The following CPNE8 variants were observed in gnomAD, a reference collection of about 807,000 sequenced individuals.
CPNE8 encodes copine 8, also known as copine-8.
In CPNE8, 45 loss-of-function variants were observed where a neutral mutation model predicts 81.5. The ratio of observed to expected loss-of-function variants is 0.55; its 90% confidence interval spans 0.44 to 0.71. CPNE8 has a LOEUF of 0.71. CPNE8 is among the 30% of genes least tolerant of loss of function. The pLI is 0.00. For synonymous variants in CPNE8, 252 were observed against 226.3 expected (o/e 1.11, Z -1.02); for missense variants, 594 against 672.1 (o/e 0.88, Z 1.28).
chr12:38,724,549 A>G (rs1408946097), intron 12 of CPNE8, among the ~76,000 whole-genome samples: 1 of 152,132 alleles, frequency 6.6e-6, no homozygotes, highest in African/African-American at 2.4e-5. Flanking sequence ...TGCCTGATTC[A>G]TTATACTTGG....
intron 6 of CPNE8, among the ~76,000 whole-genome samples, chr12:38,803,699 G>GA (rs368645396): frequency 2.0e-5 from 3 of 150,244 alleles, no homozygotes; most frequent in Admixed American, 6.7e-5. Flanking sequence ...ATTCAATTAG[G>GA]AAAAAAAGGA....
At chr12:38,681,768 T>C (rs1294339490) in intron 16 of CPNE8, among the ~76,000 whole-genome samples, 1 of 152,212 alleles carries the variant, frequency 6.6e-6, no homozygotes, top group Non-Finnish European at 1.5e-5. Context: ...TACAATTACA[T>C]GAGCCAATTC....
intron 12 of CPNE8, among the ~76,000 whole-genome samples, chr12:38,724,338 AT>A (rs1254447272): frequency 1.4e-5 from 2 of 144,272 alleles, no homozygotes; most frequent in Non-Finnish European, 3.0e-5. Context: ...ACTCTGCAGT[AT>A]TTTTTCTTAA....
At chr12:38,727,117 T>C (rs1423046979) in intron 11 of CPNE8, among the ~76,000 whole-genome samples, 2 of 152,050 alleles carry the variant, frequency 1.3e-5, no homozygotes, top group Non-Finnish European at 2.9e-5. Context: ...CTAGCAAAAA[T>C]TGTCAAAATC....
rs1434192035 is a variant in CPNE8 at position 38,872,896 on chromosome 12, TG to T, written c.186+107del. 1.9e-4 allele frequency: 128 copies of T among 681,366 alleles called. 6 individuals are homozygous for T. The highest frequency in any genetic ancestry group is 1.9e-3 in the South Asian group (105 of 56,680). 42.2% of individuals were successfully genotyped at this position (681,366 alleles called of 1,614,324 possible). ...CCTAAGATAAAAACAATTCAATCTT[TG>T]GGTTCAAAAGGACTTACAATGGAAA... On this transcript the variant is annotated intron_variant, in intron 3 of 19. Transcript: ENST00000331366.
chr12:38,833,668 C>T (rs1042072072), intron 5 of CPNE8, among the ~76,000 whole-genome samples: 4 of 151,686 alleles, frequency 2.6e-5, no homozygotes, highest in South Asian at 2.1e-4. Context: ...TTAGTAGAGA[C>T]GGGGTTTCAC....
intron 6 of CPNE8, among the ~76,000 whole-genome samples, chr12:38,793,197 C>T (rs1009551977): frequency 2.8e-5 from 4 of 142,432 alleles, no homozygotes; most frequent in Non-Finnish European, 5.9e-5. Context: ...CACTTCTATT[C>T]AACATAATAC....
At chr12:38,736,217 A>ATGTGTGTGTGTGTGTGTGTG (rs1940949082) in intron 10 of CPNE8, among the ~76,000 whole-genome samples, 1 of 79,876 alleles carries the variant, frequency 1.3e-5, no homozygotes, top group Non-Finnish European at 2.8e-5. Context: ...CTGGGTGTAT[A>ATGTGTGTGTGTGTGTGTGTG]TATGTGTGTG....
intron 10 of CPNE8, among the ~76,000 whole-genome samples, chr12:38,734,135 T>C (rs928375770): frequency 6.6e-6 from 1 of 152,030 alleles, no homozygotes; most frequent in African/African-American, 2.4e-5. Flanking sequence ...CACCTATGTT[T>C]TGAAGGCAAG....
At chr12:38,899,050 T>C (rs1944424903) in intron 1 of CPNE8, among the ~76,000 whole-genome samples, 1 of 152,192 alleles carries the variant, frequency 6.6e-6, no homozygotes, top group Admixed American at 6.5e-5. Flanking sequence ...TCACAACTTT[T>C]ATGGATTATA....
At chr12:38,841,162 A>G (rs752492597) in intron 4 of CPNE8, among the ~76,000 whole-genome samples, 3 of 152,144 alleles carry the variant, frequency 2.0e-5, no homozygotes, top group African/African-American at 7.2e-5. Context: ...TAGAATTGCA[A>G]TGGTTCTAGG....
Position 38,767,734 on chromosome 12 carries a change from G to T in CPNE8, c.476C>A (p.Ala159Asp). 6.5e-7 allele frequency: 1 copy of T among 1,535,868 alleles called. No individual in the cohort carries two copies. The highest frequency in any genetic ancestry group is 2.5e-5 in the East Asian group (1 of 40,094). Residue 159 changes from alanine (A) to aspartate (D), a missense_variant, in exon 8 of 20, where the codon GCC (alanine) becomes GAC (aspartate). By Grantham distance (126) the Ala-to-Asp change is moderately radical. Transcript: ENST00000331366. ...GTTCGCACAAAATTGCATCAAAACG[G>T]CATCCTAAAAACAAAATTAATAAAA... is the stretch of plus-strand genomic sequence containing the variant. ...TAEELNCCRD[A>D]VLMQFCANKL...
upstream of CPNE8, chr12:38,905,752 G>A: frequency 7.2e-7 from 1 of 1,395,068 alleles, no homozygotes; most frequent in Non-Finnish European, 9.3e-7. Context: ...GACGCTGCCA[G>A]GCAAGTGGCG....
chr12:38,899,546 T>C (rs1201175056), intron 1 of CPNE8, among the ~76,000 whole-genome samples: 1 of 152,224 alleles, frequency 6.6e-6, no homozygotes, highest in Non-Finnish European at 1.5e-5. Context: ...ATAATTTTCT[T>C]TTATATAAGG....
chr12:38,697,423 G>C (rs549952300), intron 14 of CPNE8, among the ~76,000 whole-genome samples: 10 of 152,084 alleles, frequency 6.6e-5, no homozygotes, highest in Admixed American at 2.0e-4. Flanking sequence ...TAGACATTTG[G>C]GTTGCTTCCA....
intron 13 of CPNE8, among the ~76,000 whole-genome samples, chr12:38,707,422 G>A (rs1940134406): frequency 6.6e-6 from 1 of 151,836 alleles, no homozygotes. Flanking sequence ...ATAAAACAAT[G>A]AACTGTAGAA....
intron 12 of CPNE8, among the ~76,000 whole-genome samples, chr12:38,724,481 T>C (rs1169311840): frequency 6.6e-6 from 1 of 152,188 alleles, no homozygotes; most frequent in Non-Finnish European, 1.5e-5. Context: ...GTCTTACTTA[T>C]TAAGTATAGC....
intron 3 of CPNE8, among the ~76,000 whole-genome samples, chr12:38,865,776 A>T (rs574509422): frequency 3.7e-4 from 56 of 152,330 alleles, no homozygotes; most frequent in African/African-American, 1.2e-3. Context: ...AAAATGGGAC[A>T]GAAAAAATAA....
intron 6 of CPNE8, among the ~76,000 whole-genome samples, chr12:38,796,362 C>T (rs1327545269): frequency 1.3e-5 from 2 of 151,732 alleles, no homozygotes; most frequent in African/African-American, 4.8e-5. Flanking sequence ...TAAAATAATG[C>T]AAATTTAGGG....
Sources: gnomAD v4.1 joint callset for allele counts (sites outside exome capture counted in the v4.1 genomes callset) on GRCh38, gnomAD v4.1.1 for gene constraint, MANE v1.5 for transcripts, NCBI Gene and HGNC (gene_info 2026-07-23, HGNC 2026-07-21) for gene names.